Variants in POC1B observed in about 807,000 individuals in gnomAD.
POC1B encodes the protein POC1 centriolar protein B.
In POC1B, 44 loss-of-function variants were observed where a neutral mutation model predicts 60.6. The ratio of observed to expected loss-of-function variants is 0.73; its 90% CI spans 0.57 to 0.93. The LOEUF (loss-of-function observed/expected upper bound fraction) is 0.93, where lower values mean the gene tolerates loss of function less well. Among genes scored for constraint, POC1B ranks in the 40% least tolerant of loss-of-function variants. POC1B has a pLI of 0.00. For synonymous variants in POC1B, 180 were observed against 198.9 expected (o/e 0.90, Z 0.80); for missense variants, 555 against 572.3 (o/e 0.97, Z 0.31).
At chr12:89,449,451 ACAT>A (rs773140429) in intron 10 of POC1B, among the ~76,000 whole-genome samples, 11 of 152,350 alleles carry the variant, frequency 7.2e-5, no homozygotes, top group Admixed American at 2.6e-4. Flanking sequence ...ATACTTTAAA[ACAT>A]CATGTTATAC....
intron 4 of POC1B, among the ~76,000 whole-genome samples, chr12:89,487,516 C>A (rs540325694): frequency 6.6e-6 from 1 of 152,200 alleles, no homozygotes; most frequent in Non-Finnish European, 1.5e-5. Flanking sequence ...ACTTCTTATC[C>A]TCAGTCCAGT....
At chr12:89,464,850 C>T (rs1485930569) in intron 9 of POC1B, among the ~76,000 whole-genome samples, 2 of 149,766 alleles carry the variant, frequency 1.3e-5, no homozygotes, top group African/African-American at 4.9e-5. Flanking sequence ...TGTTCATATA[C>T]AGAATCCTAT....
At chr12:89,413,894 A>T in the POC1B span, among the ~76,000 whole-genome samples, 57 of 151,508 alleles carry the variant, frequency 3.8e-4, no homozygotes, top group African/African-American at 1.1e-3. Flanking sequence ...TTATTTATTT[A>T]TTTATTTTTT....
intron 4 of POC1B, among the ~76,000 whole-genome samples, chr12:89,476,487 T>C (rs182758669): frequency 1.2e-4 from 18 of 152,212 alleles, no homozygotes; most frequent in Non-Finnish European, 2.4e-4. Flanking sequence ...GGCAGGCAGA[T>C]CATTGAGGCC....
chr12:89,428,648 C>T (rs1565892964), intron 10 of POC1B: 1 of 152,266 alleles, frequency 6.6e-6, no homozygotes, highest in Non-Finnish European at 1.5e-5. Flanking sequence ...GCTCTGCTTC[C>T]TGGGTTCACA....
At chr12:89,499,973 AG>A in intron 2 of POC1B, 1 of 700,396 alleles carries the variant, frequency 1.4e-6, no homozygotes, top group Non-Finnish European at 2.4e-6. Context: ...CTTCGACTTA[AG>A]GGTGTTGCTT....
the POC1B span, among the ~76,000 whole-genome samples, chr12:89,401,477 C>CCT: frequency 2.5e-5 from 3 of 119,552 alleles, no homozygotes; most frequent in East Asian, 7.3e-4. Flanking sequence ...TTGCCTTTTT[C>CCT]ATTTTTTTTT....
chr12:89,405,955 T>C, the POC1B span, among the ~76,000 whole-genome samples: 2 of 147,876 alleles, frequency 1.4e-5, no homozygotes, highest in South Asian at 2.1e-4. Context: ...TGAGATCCTA[T>C]CCCTTAAAAA....
chr12:89,446,373 A>C lies in POC1B; in HGVS notation c.1113+13265T>G, dbSNP rs562965466. ...CAACCCAAATGTCCAACAACAATAG[A>C]CTGGATTAAGAAAATGTGGCACATA... On this transcript the variant is annotated intron_variant, in intron 10 of 11. Transcript: ENST00000313546. 2.6e-5 allele frequency among the ~76,000 whole-genome samples: 4 copies of C among 152,310 alleles called. No individual in the cohort carries two copies. The South Asian group carries it at 8.3e-4, about 32-fold the overall frequency.
At chr12:89,473,003 A>G (rs10506973) in intron 4 of POC1B, among the ~76,000 whole-genome samples, 43,004 of 152,044 alleles carry the variant, frequency 0.28, 6,560 homozygotes, top group Non-Finnish European at 0.35. Context: ...TTTGGCCACA[A>G]TGCCTTTTAA....
At chr12:89,525,576 G>T in intron 1 of POC1B, 1 of 1,293,046 alleles carries the variant, frequency 7.7e-7, no homozygotes, top group Non-Finnish European at 9.8e-7. Context: ...ATACTTCCTA[G>T]GTGATTCTGA....
intron 2 of POC1B, chr12:89,524,527 G>C: frequency 1.9e-6 from 3 of 1,611,660 alleles, no homozygotes; most frequent in Admixed American, 1.7e-5. Flanking sequence ...GCTCTTGCCT[G>C]CCCAAGTCCA....
intron 4 of POC1B, among the ~76,000 whole-genome samples, chr12:89,483,208 TC>T (rs1165396562): frequency 3.3e-5 from 5 of 152,220 alleles, no homozygotes; most frequent in African/African-American, 1.2e-4. Flanking sequence ...GACATGCTAT[TC>T]TTTTTATAAT....
Position 89,421,131 on chromosome 12 carries a change from C to T in POC1B, c.*22G>A. 6.5e-7 allele frequency: 1 copy of T among 1,547,256 alleles called. No homozygotes were observed. Among genetic ancestry groups the T allele is most frequent in the African/African-American group, 1.3e-5 (1 of 74,198 alleles). On this transcript the variant is annotated 3_prime_UTR_variant, in exon 12 of 12. Transcript: ENST00000313546. ...GTTCATTTATTGGGCCTCTGCCCAACAAATGAAAATGAATTTTTTATTCAG... is the reference window on the plus strand; with the variant it reads ...GTTCATTTATTGGGCCTCTGCCCAATAAATGAAAATGAATTTTTTATTCAG...
At chr12:89,525,688 G>C in intron 1 of POC1B, 193 bp downstream of exon 1, 1 of 1,251,128 alleles carries the variant, frequency 8.0e-7, no homozygotes, top group South Asian at 2.4e-5. Flanking sequence ...CGGGAGCCGG[G>C]TCTGGGTTCC....
Position 89,443,607 on chromosome 12 carries a change from T to G in POC1B, c.1113+16031A>C, listed in dbSNP as rs1160981301. 2.0e-5 allele frequency among the ~76,000 whole-genome samples: 3 copies of G among 151,726 alleles called. No individual in the cohort carries two copies. In the East Asian group the frequency reaches 5.8e-4, roughly 29 times the overall value. ...TCTCTGGGACACATTCAAAGCAGTGTGTAGAGGGAAATTTATAGCACTAAA... is the reference window on the plus strand; with the variant it reads ...TCTCTGGGACACATTCAAAGCAGTGGGTAGAGGGAAATTTATAGCACTAAA... On this transcript the variant is annotated intron_variant, in intron 10 of 11. Coordinates refer to ENST00000313546, the MANE Select transcript of POC1B (RefSeq NM_172240.3).
At chr12:89,462,344 G>A (rs995986367) in intron 9 of POC1B, among the ~76,000 whole-genome samples, 4 of 152,030 alleles carry the variant, frequency 2.6e-5, no homozygotes, top group Non-Finnish European at 5.9e-5. Flanking sequence ...AAATGAAGTG[G>A]GCTGCCTATG....
At chr12:89,499,515 T>G (rs1228646040) in intron 2 of POC1B, among the ~76,000 whole-genome samples, 1 of 145,108 alleles carries the variant, frequency 6.9e-6, no homozygotes, top group East Asian at 2.0e-4. Context: ...CTGAAATTAT[T>G]GAAAGAAAAA....
intron 2 of POC1B, among the ~76,000 whole-genome samples, chr12:89,513,054 A>C (rs1001144588): frequency 1.3e-5 from 2 of 152,174 alleles, no homozygotes; most frequent in African/African-American, 4.8e-5. Context: ...TGGGAATATA[A>C]ATTTTTGACA....
Sources: gnomAD v4.1 joint callset for allele counts (sites outside exome capture counted in the v4.1 genomes callset) on GRCh38, gnomAD v4.1.1 for gene constraint, MANE v1.5 for transcripts, NCBI Gene and HGNC (gene_info 2026-07-23, HGNC 2026-07-21) for gene names.